The following LRRC7 variants were observed in gnomAD, a reference collection of about 807,000 sequenced individuals.
LRRC7 encodes the protein leucine rich repeat containing 7, also known as leucine-rich repeat-containing protein 7.
LRRC7 carries 23 observed loss-of-function variants against 175.7 expected under a neutral mutation model. The observed-to-expected ratio is 0.13, with a 90% confidence interval of 0.09 to 0.19. The LOEUF (loss-of-function observed/expected upper bound fraction) is 0.19. Ranked by LOEUF, LRRC7 falls within the 10% of genes least tolerant of loss-of-function variation. LRRC7 has a pLI of 1.00. For missense variants in LRRC7, 1,354 were observed against 1,904.7 expected, an observed-to-expected ratio of 0.71 and a Z score of 5.38; for synonymous variants, 685 against 680.9, an observed-to-expected ratio of 1.01 and a Z score of -0.09.
chr1:70,036,381 A>T, intron 19 of LRRC7, 63 bp from the exon 20 acceptor site: 1 of 1,504,422 alleles, frequency 6.6e-7, no homozygotes, highest in Admixed American at 2.0e-5. Context: ...CATTTTTCAT[A>T]CTTGCTTTTC....
At position 69,729,800 on chromosome 1, in the gene LRRC7, C is replaced by T. The variant is rs61783994; in HGVS notation, c.101-30391C>T. 3.3e-3 allele frequency among the ~76,000 whole-genome samples: 504 copies of T among 152,344 alleles called. 3 individuals are homozygous for T. Among genetic ancestry groups the T allele is most frequent in the South Asian group, 0.011 (55 of 4,830 alleles). On this transcript the variant is annotated intron_variant, in intron 2 of 26. Coordinates refer to ENST00000651989, the MANE Select transcript of LRRC7 (RefSeq NM_001370785.2). ...CCTCTAGGAAGTGCCCCAGCAGAGA[C>T]TCTGTGTGGGGGTTCCAAGCCCTCA...
chr1:69,759,757 A>G (rs560549618), intron 2 of LRRC7, among the ~76,000 whole-genome samples: 1 of 152,122 alleles, frequency 6.6e-6, no homozygotes, highest in Admixed American at 6.6e-5. Flanking sequence ...AAACATGAAT[A>G]TTTTTACAGA....
At chr1:69,760,628 A>G (rs1670934811) in intron 3 of LRRC7, among the ~76,000 whole-genome samples, 1 of 151,960 alleles carries the variant, frequency 6.6e-6, no homozygotes, top group South Asian at 2.1e-4. Flanking sequence ...TTGATGGATT[A>G]TGCCTCGTTA....
At chr1:69,717,768 A>AAG (rs1557640360) in intron 2 of LRRC7, among the ~76,000 whole-genome samples, 1 of 71,068 alleles carries the variant, frequency 1.4e-5, no homozygotes, top group Non-Finnish European at 2.6e-5. Context: ...GAAAAAAAGA[A>AAG]AAAAAGAAAG....
chr1:70,084,200 A>G (rs1340920456), intron 24 of LRRC7, among the ~76,000 whole-genome samples: 1 of 152,142 alleles, frequency 6.6e-6, no homozygotes, highest in Admixed American at 6.6e-5. Flanking sequence ...TCATCTGCTT[A>G]AAGTGTATAA....
At chr1:69,707,400 G>A (rs1247650524) in intron 2 of LRRC7, among the ~76,000 whole-genome samples, 1 of 152,086 alleles carries the variant, frequency 6.6e-6, no homozygotes, top group South Asian at 2.1e-4. Flanking sequence ...GTCAGCATCT[G>A]CCCGCAGAAT....
At chr1:69,738,873 G>T (rs1008763316) in intron 2 of LRRC7, among the ~76,000 whole-genome samples, 1 of 152,024 alleles carries the variant, frequency 6.6e-6, no homozygotes, top group African/African-American at 2.4e-5. Flanking sequence ...ATAGGCAGGA[G>T]AAAGTTCTTG....
intron 22 of LRRC7, 149 bp from the exon 23 acceptor site, chr1:70,052,877 A>T: frequency 1.5e-6 from 1 of 654,728 alleles, no homozygotes; most frequent in Non-Finnish European, 2.3e-6. Context: ...CTTACCCAGT[A>T]AATAGTATAT....
At chr1:69,948,971 TAACTC>T (rs921429366) in intron 8 of LRRC7, among the ~76,000 whole-genome samples, 1 of 152,162 alleles carries the variant, frequency 6.6e-6, no homozygotes, top group African/African-American at 2.4e-5. Context: ...GCTAGTGAGA[TAACTC>T]TAAGTACTAA....
At position 69,791,284 on chromosome 1, in the gene LRRC7, C is replaced by T. The variant is rs967554835; in HGVS notation, c.304-759C>T. 2.6e-5 allele frequency among the ~76,000 whole-genome samples: 4 copies of T among 152,058 alleles called. No homozygotes were observed. The East Asian group carries it at 5.8e-4, about 22-fold the overall frequency. ...ACCTGTATCAAAGTTTCCAGATCAC[C>T]GGTGTGCTTGTTAAAAATGCAGATT... On this transcript the variant is annotated intron_variant, in intron 3 of 26. Coordinates refer to ENST00000651989, the MANE Select transcript of LRRC7 (RefSeq NM_001370785.2).
At chr1:70,062,450 A>G (rs1449944678) in intron 23 of LRRC7, among the ~76,000 whole-genome samples, 3 of 152,120 alleles carry the variant, frequency 2.0e-5, no homozygotes, top group Admixed American at 6.6e-5. Flanking sequence ...CAGAAAATCA[A>G]TAGAGCCATG....
intron 7 of LRRC7, among the ~76,000 whole-genome samples, chr1:69,900,715 G>C (rs540603737): frequency 3.3e-5 from 5 of 152,052 alleles, no homozygotes; most frequent in Non-Finnish European, 7.4e-5. Flanking sequence ...TGAGCATCAC[G>C]TTGGCACTCA....
intron 25 of LRRC7, among the ~76,000 whole-genome samples, chr1:70,105,673 C>T (rs559665919): frequency 6.6e-6 from 1 of 152,168 alleles, no homozygotes; most frequent in Non-Finnish European, 1.5e-5. Context: ...AATCAATGCC[C>T]TGTTATTAGA....
chr1:69,719,027 T>C (rs903277833), intron 2 of LRRC7, among the ~76,000 whole-genome samples: 18 of 151,820 alleles, frequency 1.2e-4, no homozygotes, highest in African/African-American at 4.3e-4. Flanking sequence ...GGTAGTTTTA[T>C]TTTTGTAAGT....
intron 23 of LRRC7, among the ~76,000 whole-genome samples, chr1:70,070,531 ATAT>A (rs1357960515): frequency 6.6e-6 from 1 of 152,030 alleles, no homozygotes; most frequent in Non-Finnish European, 1.5e-5. Flanking sequence ...GGGCACTTTT[ATAT>A]TATGTTATAA....
intron 1 of LRRC7, among the ~76,000 whole-genome samples, chr1:69,638,001 G>A (rs1653661013): frequency 6.6e-6 from 1 of 151,704 alleles, no homozygotes; most frequent in African/African-American, 2.4e-5. Context: ...GGGATTGGAG[G>A]GCACAATGAA....
At chr1:69,720,299 A>G (rs187261829) in intron 2 of LRRC7, among the ~76,000 whole-genome samples, 276 of 151,586 alleles carry the variant, frequency 1.8e-3, no homozygotes, top group African/African-American at 6.3e-3. Flanking sequence ...TATAGTGGTT[A>G]CTCTAGAGAT....
Position 69,754,613 on chromosome 1 carries a change from G to C in LRRC7, c.101-5578G>C, listed in dbSNP as rs928719477. On this transcript the variant is annotated intron_variant, in intron 2 of 26. Transcript: ENST00000651989. ...TTTGTATGTATTCTAGTATTTTACA[G>C]ATGAGGAAACTGATAGAGGTAATAT... 3.9e-5 allele frequency among the ~76,000 whole-genome samples: 6 copies of C among 152,000 alleles called. No homozygotes were observed. The East Asian group carries it at 1.2e-3, about 29-fold the overall frequency.
intron 1 of LRRC7, among the ~76,000 whole-genome samples, chr1:69,595,617 G>A (rs944929700): frequency 6.6e-6 from 1 of 152,062 alleles, no homozygotes; most frequent in African/African-American, 2.4e-5. Context: ...TACTTTCCCT[G>A]CCTTGGCTTT....
Sources: allele counts gnomAD v4.1 joint callset (sites outside exome capture counted in the v4.1 genomes callset), GRCh38; gene constraint gnomAD v4.1.1; transcripts MANE v1.5; gene names NCBI Gene and HGNC (gene_info 2026-07-23, HGNC 2026-07-21).